The following USP47 variants were observed in gnomAD, a reference collection of about 807,000 sequenced individuals.
USP47 encodes ubiquitin carboxyl-terminal hydrolase 47.
Under a neutral mutation model 165.1 loss-of-function variants are expected in USP47, and 35 were observed. That is an observed-to-expected ratio of 0.21 (90% CI 0.16 to 0.28). USP47 has a LOEUF of 0.28. Ranked by LOEUF, USP47 falls within the 10% of genes least tolerant of loss-of-function variation. USP47 has a pLI of 1.00. For synonymous variants in USP47, 531 were observed against 544.5 expected (o/e 0.98, Z 0.35); for missense variants, 1,277 against 1,607.4 (o/e 0.79, Z 3.52).
chr11:11,896,211 A>G (rs1458904689), intron 4 of USP47, among the ~76,000 whole-genome samples: 1 of 152,222 alleles, frequency 6.6e-6, no homozygotes, highest in African/African-American at 2.4e-5. Flanking sequence ...ATTAATTGCC[A>G]TTACTCTCTT....
intron 1 of USP47, among the ~76,000 whole-genome samples, chr11:11,847,544 T>G (rs1450440563): frequency 6.6e-6 from 1 of 152,302 alleles, no homozygotes; most frequent in East Asian, 1.9e-4. Context: ...CTTGGTGTTC[T>G]CCTGTTTCAG....
intron 20 of USP47, among the ~76,000 whole-genome samples, chr11:11,945,179 A>G (rs1855743643): frequency 6.6e-6 from 1 of 152,186 alleles, no homozygotes; most frequent in Non-Finnish European, 1.5e-5. Context: ...CATGTTTAGA[A>G]AACTGGTTTG....
rs923897341 is a variant in USP47, at chr11:11,856,923, G to A, written c.39+14699G>A. 5 of 152,184 alleles carry A rather than the reference G, an allele frequency of 3.3e-5. No individual in the cohort carries two copies. In the South Asian group the frequency reaches 1.0e-3, roughly 31 times the overall value. 9.4% of individuals were successfully genotyped at this position (152,184 alleles called of 1,614,324 possible). ...TACTTCTCTTCTTGGCTGAAGCTCT[G>A]CAAGCTAAAGGTGACACCGTGCTAG... On this transcript the variant is annotated intron_variant, in intron 1 of 27. Transcript: ENST00000527733.
chr11:11,881,304 C>G (rs1850811451), intron 2 of USP47, among the ~76,000 whole-genome samples: 1 of 152,120 alleles, frequency 6.6e-6, no homozygotes, highest in African/African-American at 2.4e-5. Context: ...TTAGACAGCA[C>G]TGTGCTACCT....
At chr11:11,842,359 C>T in intron 1 of USP47, 135 bp downstream of exon 1, 1 of 989,602 alleles carries the variant, frequency 1.0e-6, no homozygotes, top group South Asian at 1.8e-5. Flanking sequence ...GTGAGGCAGT[C>T]GGGGGTGGAC....
At chr11:11,952,637 A>G in intron 24 of USP47, 104 bp from the exon 25 acceptor site, 1 of 1,275,418 alleles carries the variant, frequency 7.8e-7, no homozygotes, top group Non-Finnish European at 1.0e-6. Context: ...TTTTAAGAGT[A>G]ACACTTGAAG....
intron 25 of USP47, among the ~76,000 whole-genome samples, chr11:11,953,867 A>G (rs1276180981): frequency 6.6e-6 from 1 of 152,264 alleles, no homozygotes; most frequent in Non-Finnish European, 1.5e-5. Context: ...TGATAAGTGT[A>G]TAAATTGATA....
Position 11,933,933 on chromosome 11 carries a change from A to G in USP47, c.1867A>G (p.Lys623Glu), listed in dbSNP as rs377764171. The G allele has an allele frequency of 6.3e-7, 1 of 1,597,824 alleles. No individual in the cohort carries two copies. Among genetic ancestry groups the G allele is most frequent in the South Asian group, 1.1e-5 (1 of 90,488 alleles). The change falls in exon 16 of 28, where the codon AAG becomes GAG. Residue 623 changes from lysine (K) to glutamate (E), a missense_variant and splice_region_variant. Physicochemically the swap from Lys to Glu is moderately conservative, Grantham distance 56 (BLOSUM62 1). Transcript: ENST00000527733. Reference sequence around the variant, plus strand: ...AAAGGAAGCAGTAGAAATGGCTTATAAGGTATGTTTAATTGCATCATTGGC... The same window carrying G: ...AAAGGAAGCAGTAGAAATGGCTTATGAGGTATGTTTAATTGCATCATTGGC... ...TLKEAVEMAY[K>E]MMDLEEVIPL...
At chr11:11,936,208 C>G in intron 16 of USP47, 95 bp from the exon 17 acceptor site, 1 of 637,570 alleles carries the variant, frequency 1.6e-6, no homozygotes, top group Non-Finnish European at 2.1e-6. Context: ...TAATGTTATT[C>G]CCCAACAGAC....
At chr11:11,848,285 C>T (rs1848535533) in intron 1 of USP47, among the ~76,000 whole-genome samples, 1 of 152,190 alleles carries the variant, frequency 6.6e-6, no homozygotes, top group Non-Finnish European at 1.5e-5. Context: ...GATGGTTTAG[C>T]CTGCTACACA....
In USP47 at chr11:11,930,073, T is replaced by C; in HGVS notation, c.1548T>C (p.His516=). Residue 516 remains histidine (H), a synonymous_variant, in exon 13 of 28, where the codon CAT becomes CAC. Transcript: ENST00000527733. The part of the protein sequence containing the change: ...RITQEDIKKT[H]GGSSGSRGYY... Reference sequence around the variant, plus strand: ...CACAAGAGGACATTAAGAAAACACATGGTGGATCTTCAGGAAGCAGAGGAT... The same window carrying C: ...CACAAGAGGACATTAAGAAAACACACGGTGGATCTTCAGGAAGCAGAGGAT... 6.2e-7 allele frequency: 1 copy of C among 1,613,306 alleles called. No individual in the cohort carries two copies. The highest frequency in any genetic ancestry group is 2.2e-5 in the East Asian group (1 of 44,836).
chr11:11,863,612 A>G (rs1210198329), intron 1 of USP47, among the ~76,000 whole-genome samples: 1 of 152,164 alleles, frequency 6.6e-6, no homozygotes, highest in Non-Finnish European at 1.5e-5. Context: ...TTTACTGTCC[A>G]CTGTCAGTAT....
chr11:11,872,860 A>T (rs1266285641), intron 1 of USP47, among the ~76,000 whole-genome samples: 1 of 152,226 alleles, frequency 6.6e-6, no homozygotes, highest in Non-Finnish European at 1.5e-5. Context: ...AGGGGCTTAA[A>T]TGCCCATTAA....
At chr11:11,869,981 G>A (rs781470601) in intron 1 of USP47, among the ~76,000 whole-genome samples, 69 of 151,966 alleles carry the variant, frequency 4.5e-4, no homozygotes, top group Non-Finnish European at 8.8e-4. Flanking sequence ...TTTCTGTGCT[G>A]GTAATTGGGG....
rs148634529 is a variant in USP47 at position 11,918,153 on chromosome 11, G to A, written c.970-2003G>A. 4.3e-3 allele frequency among the ~76,000 whole-genome samples: 649 copies of A among 152,196 alleles called. 9 individuals carry two copies. The highest frequency in any genetic ancestry group is 0.014 in the African/African-American group (601 of 41,536). ...GCCTGTGACTATGCTACCCTTAGAA[G>A]GGCACATCTTTGCTAATGTCATAGT... On this transcript the variant is annotated intron_variant, in intron 8 of 27. Coordinates refer to ENST00000527733, the MANE Select transcript of USP47 (RefSeq NM_001282659.2).
At chr11:11,853,762 T>C (rs1438961414) in intron 1 of USP47, among the ~76,000 whole-genome samples, 2 of 152,170 alleles carry the variant, frequency 1.3e-5, no homozygotes, top group African/African-American at 4.8e-5. Context: ...TGTTGAGAGA[T>C]TACAGTTTTT....
At chr11:11,926,509 C>T (rs563953134) in intron 11 of USP47, among the ~76,000 whole-genome samples, 14 of 151,890 alleles carry the variant, frequency 9.2e-5, no homozygotes, top group Non-Finnish European at 1.8e-4. Flanking sequence ...ATTTTTGTGG[C>T]TTCAGTATAA....
rs753820819 is a variant in USP47, at chr11:11,943,082, G to A, written c.3061G>A (p.Ala1021Thr). Residue 1021 changes from alanine to threonine, a missense_variant, in exon 20 of 28, where the codon GCA (alanine) becomes ACA (threonine). Physicochemically the swap from Ala to Thr is moderately conservative, Grantham distance 58 (BLOSUM62 0). Coordinates refer to ENST00000527733, the MANE Select transcript of USP47 (RefSeq NM_001282659.2). ...GTATTTCAAAGCTGAACCTTATGCT[G>A]CAGATGAAGGTTCTGGGGAAGGACA... is the stretch of plus-strand genomic sequence containing the variant. ...YMYFKAEPYA[A>T]DEGSGEGHKW... 10 of 1,612,576 alleles carry A rather than the reference G, an allele frequency of 6.2e-6. No individual in the cohort carries two copies. Among genetic ancestry groups the A allele is most frequent in the Non-Finnish European group, 6.8e-6 (8 of 1,179,296 alleles).
chr11:11,916,170 T>C (rs1193306665), intron 8 of USP47, among the ~76,000 whole-genome samples: 1 of 152,156 alleles, frequency 6.6e-6, no homozygotes, highest in African/African-American at 2.4e-5. Flanking sequence ...ATGTGCAGGC[T>C]GGGCATGGTG....
Sources: gnomAD v4.1 joint callset for allele counts (sites outside exome capture counted in the v4.1 genomes callset) on GRCh38, gnomAD v4.1.1 for gene constraint, MANE v1.5 for transcripts, NCBI Gene and HGNC (gene_info 2026-07-23, HGNC 2026-07-21) for gene names.